IL1RAPL1: variants seen among roughly 807,000 people sequenced by gnomAD.
IL1RAPL1 encodes the protein interleukin 1 receptor accessory protein like 1, also known as interleukin-1 receptor accessory protein-like 1.
In IL1RAPL1, 3 loss-of-function variants were observed where a neutral mutation model predicts 48.4. That is an observed-to-expected ratio of 0.06 (90% CI 0.03 to 0.16). The LOEUF is 0.16. IL1RAPL1 is among the 10% of genes least tolerant of loss of function. The pLI is 1.00. For synonymous variants in IL1RAPL1, 185 were observed against 187.7 expected (o/e 0.99, Z 0.12); for missense variants, 349 against 530.6 (o/e 0.66, Z 3.36).
intron 4 of IL1RAPL1, among the ~76,000 whole-genome samples, chrX:29,398,409 A>G (rs1602214488): frequency 8.9e-6 from 1 of 112,202 alleles, no homozygotes. Flanking sequence ...AAATCTGGCT[A>G]GAGGAAATTG....
intron 6 of IL1RAPL1, among the ~76,000 whole-genome samples, chrX:29,762,276 A>G (rs1392666019): frequency 1.8e-5 from 2 of 111,955 alleles, no homozygotes; most frequent in Non-Finnish European, 3.8e-5. Context: ...TTAAGCAAAC[A>G]AAAGTCTCTT....
At chrX:29,130,684 A>G (rs1478535064) in intron 2 of IL1RAPL1, among the ~76,000 whole-genome samples, 2 of 111,857 alleles carry the variant, frequency 1.8e-5, no homozygotes, top group Non-Finnish European at 3.8e-5. Flanking sequence ...TAAATTTGGT[A>G]TTTGCCATCA....
At chrX:29,273,850 G>T (rs1932079382) in intron 2 of IL1RAPL1, among the ~76,000 whole-genome samples, 1 of 110,077 alleles carries the variant, frequency 9.1e-6, no homozygotes, top group Non-Finnish European at 1.9e-5. Context: ...CATGGTGGGG[G>T]TGGGGTTGCC....
intron 6 of IL1RAPL1, among the ~76,000 whole-genome samples, chrX:29,803,247 A>G (rs1421329664): frequency 5.6e-5 from 2 of 36,036 alleles, no homozygotes; most frequent in South Asian, 1.8e-3. Context: ...ATATATGTAT[A>G]CATATACACA....
At position 29,390,495 on chromosome X, in the gene IL1RAPL1, G is replaced by T. The variant is rs745393835; in HGVS notation, c.363-5763G>T. Among the ~76,000 whole-genome samples the T allele has an allele frequency of 3.6e-5, 4 of 111,696 alleles. No individual in the cohort carries two copies. The East Asian group carries it at 1.1e-3, about 31-fold the overall frequency. On this transcript the variant is annotated intron_variant, in intron 3 of 10. Coordinates refer to ENST00000378993, the MANE Select transcript of IL1RAPL1 (RefSeq NM_014271.4). ...TTCTTACACACTACTTCATGAAGTAGGAAAAGATTGCCAAACATTATGAAA... is the reference window on the plus strand; with the variant it reads ...TTCTTACACACTACTTCATGAAGTATGAAAAGATTGCCAAACATTATGAAA...
chrX:28,793,880 T>C (rs1936582092), intron 2 of IL1RAPL1, among the ~76,000 whole-genome samples: 1 of 111,012 alleles, frequency 9.0e-6, no homozygotes, highest in South Asian at 3.8e-4. Context: ...GCAAGGACCA[T>C]GATTAATGTA....
chrX:28,757,694 A>G (rs1273052110), intron 1 of IL1RAPL1, among the ~76,000 whole-genome samples: 2 of 111,893 alleles, frequency 1.8e-5, no homozygotes, highest in African/African-American at 3.3e-5. Flanking sequence ...TCATGGAGAG[A>G]GGCTCCTATT....
intron 5 of IL1RAPL1, among the ~76,000 whole-genome samples, chrX:29,530,814 T>G (rs1378201086): frequency 8.9e-6 from 1 of 112,225 alleles, no homozygotes; most frequent in Non-Finnish European, 1.9e-5. Context: ...AAATCTACAC[T>G]GGAACTAGGT....
intron 2 of IL1RAPL1, among the ~76,000 whole-genome samples, chrX:29,277,198 G>A (rs1337455806): frequency 8.9e-5 from 10 of 111,958 alleles, no homozygotes; most frequent in Non-Finnish European, 1.5e-4. Flanking sequence ...GTAGGATGAC[G>A]TGCATCTGTT....
At chrX:29,811,365 A>G (rs1461752120) in intron 6 of IL1RAPL1, among the ~76,000 whole-genome samples, 1 of 110,794 alleles carries the variant, frequency 9.0e-6, no homozygotes, top group Non-Finnish European at 1.9e-5. Context: ...TTGGAGTTCA[A>G]TGTTCGAGGG....
At chrX:29,776,429 C>G (rs1248628091) in intron 6 of IL1RAPL1, among the ~76,000 whole-genome samples, 2 of 112,011 alleles carry the variant, frequency 1.8e-5, no homozygotes, top group Non-Finnish European at 3.8e-5. Context: ...TTACCTGCCT[C>G]TCCCCCTTTT....
intron 1 of IL1RAPL1, among the ~76,000 whole-genome samples, chrX:28,776,650 A>T (rs764133111): frequency 8.9e-6 from 1 of 111,970 alleles, no homozygotes; most frequent in East Asian, 2.8e-4. Flanking sequence ...ATTATTGACT[A>T]TTTAAATTAT....
chrX:29,791,192 G>A (rs942029353), intron 6 of IL1RAPL1, among the ~76,000 whole-genome samples: 1 of 110,069 alleles, frequency 9.1e-6, no homozygotes, highest in Non-Finnish European at 1.9e-5. Flanking sequence ...TGAATTACTT[G>A]TTTATTTATT....
chrX:29,338,941 G>A (rs111831768), intron 3 of IL1RAPL1, among the ~76,000 whole-genome samples: 3 of 110,394 alleles, frequency 2.7e-5, no homozygotes, highest in Admixed American at 9.7e-5. Context: ...AACCCTAGTG[G>A]CTAAGGGGAT....
intron 8 of IL1RAPL1, among the ~76,000 whole-genome samples, chrX:29,940,588 G>A (rs1048231283): frequency 8.9e-6 from 1 of 112,016 alleles, no homozygotes; most frequent in Admixed American, 9.5e-5. Context: ...CAACATTTGG[G>A]CTGTGATGAT....
intron 2 of IL1RAPL1, among the ~76,000 whole-genome samples, chrX:28,999,915 A>G (rs1165475620): frequency 8.9e-6 from 1 of 111,856 alleles, no homozygotes; most frequent in East Asian, 2.8e-4. Context: ...AAGTGAATGA[A>G]GAGTCACTAA....
intron 2 of IL1RAPL1, among the ~76,000 whole-genome samples, chrX:28,853,514 C>G (rs1271008406): frequency 9.0e-6 from 1 of 110,549 alleles, no homozygotes; most frequent in African/African-American, 3.3e-5. Flanking sequence ...CACACACACT[C>G]TCACTCATGC....
chrX:28,745,608 A>T (rs1164097323), intron 1 of IL1RAPL1, among the ~76,000 whole-genome samples: 2 of 111,743 alleles, frequency 1.8e-5, no homozygotes, highest in East Asian at 5.6e-4. Context: ...TACATTTCAG[A>T]GTTATTAGCA....
intron 6 of IL1RAPL1, among the ~76,000 whole-genome samples, chrX:29,860,786 T>A (rs1428770381): frequency 8.9e-6 from 1 of 112,383 alleles, no homozygotes; most frequent in Non-Finnish European, 1.9e-5. Flanking sequence ...TGGCTCCAAG[T>A]CTTTGCTATT....
Sources: gnomAD v4.1 joint callset for allele counts (sites outside exome capture counted in the v4.1 genomes callset) on GRCh38, gnomAD v4.1.1 for gene constraint, MANE v1.5 for transcripts, NCBI Gene and HGNC (gene_info 2026-07-23, HGNC 2026-07-21) for gene names.